Variants in UAP1 observed in about 807,000 individuals in gnomAD.
UAP1 encodes the protein UDP-N-acetylhexosamine pyrophosphorylase.
A neutral mutation model predicts 58.5 loss-of-function variants in UAP1; 25 were observed. The ratio of observed to expected loss-of-function variants is 0.43; its 90% CI spans 0.31 to 0.60. The LOEUF (loss-of-function observed/expected upper bound fraction) is 0.60, where lower values mean the gene tolerates loss of function less well. Among genes scored for constraint, UAP1 ranks in the 20% least tolerant of loss-of-function variants. The pLI, the probability that UAP1 is intolerant of heterozygous loss-of-function variation, is 0.11. For missense variants in UAP1, 575 were observed against 630.0 expected, an observed-to-expected ratio of 0.91 and a Z score of 0.93; for synonymous variants, 208 against 213.0, an observed-to-expected ratio of 0.98 and a Z score of 0.21.
intron 2 of UAP1, among the ~76,000 whole-genome samples, chr1:162,567,730 C>T (rs1653603279): frequency 6.6e-6 from 1 of 152,140 alleles, no homozygotes; most frequent in South Asian, 2.1e-4. Context: ...TGCCCATAAT[C>T]TCATCAAAGC....
chr1:162,581,579 T>A, intron 5 of UAP1, 120 bp downstream of exon 5: 1 of 1,063,672 alleles, frequency 9.4e-7, no homozygotes, highest in Non-Finnish European at 1.3e-6. Flanking sequence ...TTTATCTCTC[T>A]AAAGTAACTA....
At chr1:162,563,461 T>C (rs1571046605) in intron 1 of UAP1, among the ~76,000 whole-genome samples, 1 of 152,036 alleles carries the variant, frequency 6.6e-6, no homozygotes, top group African/African-American at 2.4e-5. Context: ...GCCTCCCCGG[T>C]TCAGGCGATT....
At chr1:162,583,282 A>G (rs576748184) in intron 5 of UAP1, among the ~76,000 whole-genome samples, 1 of 149,674 alleles carries the variant, frequency 6.7e-6, no homozygotes, top group Non-Finnish European at 1.5e-5. Flanking sequence ...CCTCCTGAGT[A>G]GCTGGGATTA....
chr1:162,590,318 T>C lies in UAP1; in HGVS notation c.1170-5T>C. 1.2e-6 allele frequency: 2 copies of C among 1,608,714 alleles called. No homozygotes were observed. Among genetic ancestry groups the C allele is most frequent in the Non-Finnish European group, 1.7e-6 (2 of 1,178,016 alleles). On this transcript the variant is annotated splice_polypyrimidine_tract_variant and splice_region_variant and intron_variant, in intron 7 of 10. Transcript: ENST00000271469. ...TAAAGAGGTCTTTATATGGTTTCGC[T>C]CTAGGAAGTTTGTGGTATATGAAGT... is the stretch of plus-strand genomic sequence containing the variant.
At chr1:162,584,379 T>A (rs952029977) in intron 5 of UAP1, among the ~76,000 whole-genome samples, 3 of 152,228 alleles carry the variant, frequency 2.0e-5, no homozygotes, top group African/African-American at 7.2e-5. Context: ...CCTGCCCTTT[T>A]AAAATAAGAA....
At chr1:162,599,469 A>T (rs954501402) in exon 11 of UAP1, 5 of 697,178 alleles carry the variant, frequency 7.2e-6, no homozygotes, top group Admixed American at 5.6e-5. Context: ...AAATATCCAC[A>T]GGGTTTTATT....
chr1:162,587,905 C>A (rs1655001547), intron 6 of UAP1: 1 of 398,316 alleles, frequency 2.5e-6, no homozygotes, highest in Non-Finnish European at 4.5e-6. Context: ...AGCATTTCTC[C>A]CTTCTCACCC....
At position 162,590,018 on chromosome 1, in the gene UAP1, AT is replaced by A. The variant is rs999889036; in HGVS notation, c.1170-297del. On this transcript the variant is annotated intron_variant, in intron 7 of 10. Transcript: ENST00000271469. ...AAATTAATCTTTCCATTTCTAAATC[AT>A]TTTTTTTGCCTGTTTTTTTTTTTTT... is the stretch of plus-strand genomic sequence containing the variant. Among the ~76,000 whole-genome samples, 526 of 132,338 alleles carry A rather than the reference AT, an allele frequency of 4.0e-3. 2 individuals carry two copies. Among genetic ancestry groups the A allele is most frequent in the African/African-American group, 0.013 (511 of 39,072 alleles). 86.8% of individuals were successfully genotyped at this position (132,338 alleles called of 152,430 possible).
In UAP1 at chr1:162,589,990, A is replaced by G. The variant is rs986159926; in HGVS notation, c.1170-333A>G. Among the ~76,000 whole-genome samples, 3 of 151,400 alleles carry G rather than the reference A, an allele frequency of 2.0e-5. No individual in the cohort carries two copies. The East Asian group carries it at 5.8e-4, about 29-fold the overall frequency. ...CGTCTCAAAAAAATAAATAAATAAA[A>G]TGAAATTAATCTTTCCATTTCTAAA... is the stretch of plus-strand genomic sequence containing the variant. On this transcript the variant is annotated intron_variant, in intron 7 of 10. Coordinates refer to ENST00000271469, the Ensembl canonical transcript of UAP1.
exon 1 of UAP1, chr1:162,561,540 C>T (rs893046221): frequency 2.0e-5 from 3 of 151,942 alleles, no homozygotes; most frequent in African/African-American, 7.3e-5. Flanking sequence ...CGTCTGTGCT[C>T]CCGGCGCTGA....
intron 5 of UAP1, among the ~76,000 whole-genome samples, chr1:162,582,981 TA>T (rs1190702552): frequency 1.4e-5 from 1 of 72,932 alleles, no homozygotes; most frequent in Non-Finnish European, 3.3e-5. Flanking sequence ...ATCTGAACTG[TA>T]TTTTTTTTTT....
downstream of UAP1, among the ~76,000 whole-genome samples, chr1:162,601,121 A>G (rs1655877816): frequency 6.6e-6 from 1 of 152,224 alleles, no homozygotes; most frequent in Admixed American, 6.5e-5. Flanking sequence ...TGAAATGATA[A>G]GGTGATAGCA....
chr1:162,575,223 C>T (rs772483158), intron 2 of UAP1, among the ~76,000 whole-genome samples: 1 of 151,910 alleles, frequency 6.6e-6, no homozygotes. Context: ...TGCTTGCCAC[C>T]GTGCCTGGCT....
chr1:162,577,435 CTTTTTTT>C (rs67627704), intron 3 of UAP1, among the ~76,000 whole-genome samples: 6 of 95,212 alleles, frequency 6.3e-5, no homozygotes, highest in African/African-American at 9.5e-5. Flanking sequence ...AGTTCCTTCC[CTTTTTTT>C]TTTTTTTTTT....
chr1:162,562,325 G>C (rs12742350), intron 1 of UAP1: 6,114 of 152,228 alleles, frequency 0.04, 156 homozygotes, highest in East Asian at 0.11. Flanking sequence ...GTCTGACAAA[G>C]ACAGGGGATA....
At chr1:162,593,444 A>G (rs1428661755) in intron 9 of UAP1, 2 of 152,288 alleles carry the variant, frequency 1.3e-5, no homozygotes, top group East Asian at 1.9e-4. Context: ...TTATTGTTAC[A>G]CTTTGAAAGT....
intron 6 of UAP1, among the ~76,000 whole-genome samples, chr1:162,588,405 G>GT (rs1557976737): frequency 6.6e-6 from 1 of 152,016 alleles, no homozygotes; most frequent in Non-Finnish European, 1.5e-5. Flanking sequence ...AACTTAATGC[G>GT]TTTTTTAATG....
chr1:162,563,781 G>T (rs190892917), intron 1 of UAP1, among the ~76,000 whole-genome samples: 1 of 152,202 alleles, frequency 6.6e-6, no homozygotes, highest in Admixed American at 6.5e-5. Flanking sequence ...TAATATGTTT[G>T]TGTATGCCTT....
At chr1:162,596,425 G>A (rs1352891362) in intron 9 of UAP1, among the ~76,000 whole-genome samples, 2 of 151,868 alleles carry the variant, frequency 1.3e-5, no homozygotes, top group Non-Finnish European at 2.9e-5. Flanking sequence ...TCCACCCACC[G>A]CGGCCTCCCA....
Sources: gnomAD v4.1 joint callset for allele counts (sites outside exome capture counted in the v4.1 genomes callset) on GRCh38, gnomAD v4.1.1 for gene constraint, MANE v1.5 for transcripts, NCBI Gene and HGNC (gene_info 2026-07-23, HGNC 2026-07-21) for gene names.